R3HDM1: variants seen among roughly 807,000 people sequenced by gnomAD.
The protein encoded by R3HDM1 is R3H domain-containing protein 1.
A neutral mutation model predicts 141.1 loss-of-function variants in R3HDM1; 46 were observed. The ratio of observed to expected loss-of-function variants is 0.33; its 90% CI spans 0.26 to 0.42. The LOEUF (loss-of-function observed/expected upper bound fraction) is 0.42. Ranked by LOEUF, R3HDM1 falls within the 10% of genes least tolerant of loss-of-function variation. The probability of loss-of-function intolerance (pLI) is 1.00; values close to 1 mark genes in which losing one functional copy is unlikely to be tolerated. For missense variants in R3HDM1, 1,184 were observed against 1,368.3 expected, an observed-to-expected ratio of 0.87 and a Z score of 2.12; for synonymous variants, 435 against 472.9, an observed-to-expected ratio of 0.92 and a Z score of 1.04.
Position 135,610,519 on chromosome 2 carries a change from T to TAA in R3HDM1, c.171+5503_171+5504insAA, listed in dbSNP as rs1470487723. Among the ~76,000 whole-genome samples, 3 of 152,224 alleles carry TAA rather than the reference T, an allele frequency of 2.0e-5. No individual in the cohort carries two copies. In the South Asian group the frequency reaches 6.2e-4, roughly 32 times the overall value. On this transcript the variant is annotated intron_variant, in intron 3 of 26. Transcript: ENST00000683871. ...TTCGATAATCAAGATGAGACTCTTA[T>TAA]GTCTTGTATCCCTCAAGTTAATTCC...
At chr2:135,602,826 G>C in intron 2 of R3HDM1, 118 bp downstream of exon 2, 1 of 874,482 alleles carries the variant, frequency 1.1e-6, no homozygotes, top group South Asian at 2.7e-5. Context: ...GCAGCTGTTT[G>C]TTTTCGGAAT....
intron 20 of R3HDM1, among the ~76,000 whole-genome samples, chr2:135,679,433 A>T (rs1405352598): frequency 2.6e-5 from 4 of 152,118 alleles, no homozygotes; most frequent in African/African-American, 9.7e-5. Flanking sequence ...CAGAATAGTC[A>T]CTTGCCCAAT....
intron 11 of R3HDM1, among the ~76,000 whole-genome samples, chr2:135,636,667 T>C (rs897309144): frequency 6.6e-6 from 1 of 152,140 alleles, no homozygotes; most frequent in African/African-American, 2.4e-5. Flanking sequence ...ATAGGCTTTC[T>C]AAATGGCTAA....
At chr2:135,607,794 T>G in intron 3 of R3HDM1, 1 of 935,372 alleles carries the variant, frequency 1.1e-6, no homozygotes, top group Non-Finnish European at 1.3e-6. Flanking sequence ...GCCCAGTTGT[T>G]TGTAGTATAA....
At chr2:135,639,220 T>G in intron 14 of R3HDM1, 98 bp downstream of exon 14, 1 of 1,203,828 alleles carries the variant, frequency 8.3e-7, no homozygotes, top group Non-Finnish European at 1.2e-6. Context: ...TATCCTAAAA[T>G]ATAAAATCAC....
At chr2:135,559,014 T>G (rs1385005168) in intron 1 of R3HDM1, 5 of 984,018 alleles carry the variant, frequency 5.1e-6, no homozygotes, top group African/African-American at 1.8e-5. Context: ...AACTTAAAAC[T>G]AAAATACCTT....
At chr2:135,694,328 C>T (rs1013678915) in intron 21 of R3HDM1, among the ~76,000 whole-genome samples, 1 of 152,142 alleles carries the variant, frequency 6.6e-6, no homozygotes, top group Non-Finnish European at 1.5e-5. Flanking sequence ...CTAGCATATC[C>T]TGTGTATTTT....
chr2:135,634,837 A>G (rs1574549539), intron 9 of R3HDM1, among the ~76,000 whole-genome samples: 1 of 152,346 alleles, frequency 6.6e-6, no homozygotes, highest in East Asian at 1.9e-4. Flanking sequence ...ATATTGTTAT[A>G]TTTCATATTT....
intron 18 of R3HDM1, among the ~76,000 whole-genome samples, chr2:135,658,715 T>C (rs2066248573): frequency 2.0e-5 from 3 of 152,200 alleles, no homozygotes; most frequent in African/African-American, 7.2e-5. Flanking sequence ...TTTATTCTTA[T>C]GTAATAAAAC....
chr2:135,644,406 G>A (rs966306483), intron 15 of R3HDM1, among the ~76,000 whole-genome samples: 2 of 152,176 alleles, frequency 1.3e-5, no homozygotes, highest in African/African-American at 4.8e-5. Flanking sequence ...TGGAGGCTGA[G>A]GCAGGAGAAT....
intron 18 of R3HDM1, among the ~76,000 whole-genome samples, chr2:135,658,428 A>G (rs956204662): frequency 3.9e-5 from 6 of 152,190 alleles, no homozygotes; most frequent in African/African-American, 1.4e-4. Context: ...AGCCTTCAGA[A>G]GTGCTGGAAT....
chr2:135,656,693 A>G (rs2105294316), intron 18 of R3HDM1: 1 of 152,338 alleles, frequency 6.6e-6, no homozygotes, highest in African/African-American at 2.4e-5. Flanking sequence ...GCCTTATAAC[A>G]GTATAATTCC....
At chr2:135,638,538 T>G in intron 11 of R3HDM1, 80 bp from the exon 12 acceptor site, 1 of 1,360,954 alleles carries the variant, frequency 7.3e-7, no homozygotes, top group East Asian at 2.3e-5. Context: ...ACATGATTTT[T>G]GTTGTCATCA....
chr2:135,580,986 T>C (rs938660484), intron 1 of R3HDM1, among the ~76,000 whole-genome samples: 2 of 152,224 alleles, frequency 1.3e-5, no homozygotes, highest in Admixed American at 6.5e-5. Context: ...AAGACTGGCT[T>C]TCAGTGTCCC....
intron 1 of R3HDM1, among the ~76,000 whole-genome samples, chr2:135,601,860 C>T (rs2059643941): frequency 6.6e-6 from 1 of 151,938 alleles, no homozygotes; most frequent in African/African-American, 2.4e-5. Flanking sequence ...TGGGGTCTCA[C>T]TGTGTTGCCC....
Position 135,621,533 on chromosome 2 carries a change from G to A in R3HDM1, c.343G>A (p.Glu115Lys). The A allele has an allele frequency of 1.3e-6, 2 of 1,598,068 alleles. No homozygotes were observed. The highest frequency in any genetic ancestry group is 2.7e-5 in the African/African-American group (2 of 74,364). Residue 115 changes from glutamate (E) to lysine (K), a missense_variant, in exon 6 of 27, where the codon GAA (glutamate) becomes AAA (lysine). Glu to Lys is a moderately conservative substitution (Grantham distance 56). Transcript: ENST00000683871. ...CCAGTTAACACAATCATTTGAGAAA[G>A]AAGAGAAGCCCTCAAAAGATGAAGC... ...QIQLTQSFEK[E>K]EKPSKDEAEK... is the part of the protein sequence containing the mutation.
At chr2:135,625,823 T>C (rs1273118324) in intron 7 of R3HDM1, among the ~76,000 whole-genome samples, 1 of 152,198 alleles carries the variant, frequency 6.6e-6, no homozygotes, top group African/African-American at 2.4e-5. Context: ...TGGAGGTTCC[T>C]GGAGGATGTC....
At chr2:135,584,791 G>T (rs1454144348) in intron 1 of R3HDM1, among the ~76,000 whole-genome samples, 1 of 152,196 alleles carries the variant, frequency 6.6e-6, no homozygotes, top group Non-Finnish European at 1.5e-5. Flanking sequence ...AAATGTAGTA[G>T]AAAATATTCA....
At chr2:135,626,454 C>T (rs1574475287) in intron 7 of R3HDM1, among the ~76,000 whole-genome samples, 1 of 152,108 alleles carries the variant, frequency 6.6e-6, no homozygotes, top group African/African-American at 2.4e-5. Flanking sequence ...GGAACCAGAA[C>T]TCAGTGGGTT....
Sources: allele counts gnomAD v4.1 joint callset (sites outside exome capture counted in the v4.1 genomes callset), GRCh38; gene constraint gnomAD v4.1.1; transcripts MANE v1.5; gene names NCBI Gene and HGNC (gene_info 2026-07-23, HGNC 2026-07-21).